Variants in ATCAY observed in about 807,000 individuals in gnomAD.
ATCAY encodes the protein ATCAY kinesin light chain interacting caytaxin.
A neutral mutation model predicts 47.7 loss-of-function variants in ATCAY; 22 were observed. The ratio of observed to expected loss-of-function variants is 0.46; its 90% CI spans 0.33 to 0.66. The LOEUF (loss-of-function observed/expected upper bound fraction) is 0.66. Among genes scored for constraint, ATCAY ranks in the 30% least tolerant of loss-of-function variants. ATCAY has a pLI of 0.02. For missense variants in ATCAY, 452 were observed against 515.0 expected (o/e 0.88, Z 1.18); for synonymous variants, 216 against 207.6 (o/e 1.04, Z -0.35).
intron 11 of ATCAY, among the ~76,000 whole-genome samples, chr19:3,919,592 A>AAAAT (rs968226610): frequency 4.6e-5 from 7 of 152,016 alleles, no homozygotes; most frequent in South Asian, 2.1e-4. Context: ...TTCTGTCTCA[A>AAAAT]AAATAAATAA....
intron 9 of ATCAY, among the ~76,000 whole-genome samples, chr19:3,916,065 A>G (rs1014359465): frequency 2.0e-5 from 3 of 151,594 alleles, no homozygotes; most frequent in Admixed American, 1.3e-4. Context: ...CCACATCCCA[A>G]CCCCTGGCAG....
rs920492859 is a variant in ATCAY, at chr19:3,912,584, T to A, written c.867-1174T>A. On this transcript the variant is annotated intron_variant, in intron 8 of 12. Coordinates refer to ENST00000450849, the MANE Select transcript of ATCAY (RefSeq NM_033064.5). ...CTTGGCCTCCCAAAGTGAAAAAAAT[T>A]TTTTTTTAAATACGGCCAGGTGTGG... 3.2e-4 allele frequency among the ~76,000 whole-genome samples: 48 copies of A among 151,732 alleles called. 1 individual carries two copies. Among genetic ancestry groups the A allele is most frequent in the South Asian group, 4.2e-4 (2 of 4,806 alleles).
Position 3,913,819 on chromosome 19 carries a change from C to T in ATCAY, c.928C>T (p.Pro310Ser). The part of the protein sequence containing the change: ...HSLEDLEQLI[P>S]MEHVQIPDCV... The stretch of plus-strand genomic sequence containing the variant: ...CTTGGAAGACCTGGAGCAACTCATC[C>T]CTATGGAACACGTCCAGATCCCAGA... The change falls in exon 9 of 13, where the codon CCT becomes TCT. Residue 310 changes from proline to serine, a missense_variant. Pro to Ser is a moderately conservative substitution (Grantham distance 74, BLOSUM62 -1). Transcript: ENST00000450849. The T allele has an allele frequency of 1.2e-6, 2 of 1,613,856 alleles. No individual in the cohort carries two copies. The highest frequency in any genetic ancestry group is 8.5e-7 in the Non-Finnish European group (1 of 1,179,846).
intron 9 of ATCAY, among the ~76,000 whole-genome samples, chr19:3,914,724 G>C (rs1279681675): frequency 2.0e-5 from 3 of 152,004 alleles, no homozygotes; most frequent in Non-Finnish European, 4.4e-5. Context: ...AGGAGGCTGA[G>C]GCAGGAGAAT....
At position 3,925,506 on chromosome 19, in the gene ATCAY, C is replaced by A. The variant is rs1456397540; in HGVS notation, c.*914C>A. The A allele has an allele frequency of 6.6e-6, 1 of 152,216 alleles. No homozygotes were observed. Among genetic ancestry groups the A allele is most frequent in the African/African-American group, 2.4e-5 (1 of 41,450 alleles). 9.4% of individuals were successfully genotyped at this position (152,216 alleles called of 1,614,324 possible). On this transcript the variant is annotated 3_prime_UTR_variant, in exon 13 of 13. Coordinates refer to ENST00000450849, the MANE Select transcript of ATCAY (RefSeq NM_033064.5). The surrounding 1 kb of genome is among the most constrained non-coding windows in gnomAD (Gnocchi z 4.4). Reference sequence around the variant, plus strand: ...CAAGAGGAAGATACAGGGTATCGGGCGTTTGAGTGTTTCAGAAGTCATTCG... The same window carrying A: ...CAAGAGGAAGATACAGGGTATCGGGAGTTTGAGTGTTTCAGAAGTCATTCG...
intron 7 of ATCAY, among the ~76,000 whole-genome samples, chr19:3,910,446 C>G (rs1476734669): frequency 2.6e-5 from 4 of 152,154 alleles, no homozygotes; most frequent in African/African-American, 9.7e-5. Context: ...CATCCTTGCA[C>G]CCAGGTTAGT....
rs372306459 is a variant in ATCAY, at chr19:3,910,845, G to A, written c.822G>A (p.Ser274=). 2.0e-5 allele frequency: 33 copies of A among 1,613,868 alleles called. No individual in the cohort carries two copies. Among genetic ancestry groups the A allele is most frequent in the South Asian group, 5.5e-5 (5 of 91,090 alleles). ...AGTCCTTGATCATCGTCCACCCCTCGTGGTTCATTCGGACTGTGCTGGCCA... is the reference window on the plus strand; with the variant it reads ...AGTCCTTGATCATCGTCCACCCCTCATGGTTCATTCGGACTGTGCTGGCCA... ...NLKSLIIVHP[S]WFIRTVLAIS... Residue 274 remains serine, a synonymous_variant, in exon 8 of 13, where the codon TCG becomes TCA. Transcript: ENST00000450849.
intron 2 of ATCAY, among the ~76,000 whole-genome samples, chr19:3,897,645 C>T (rs971250967): frequency 2.0e-5 from 3 of 151,958 alleles, no homozygotes; most frequent in Non-Finnish European, 4.4e-5. Context: ...CAGTGGCTCA[C>T]GCATGTAATC....
chr19:3,909,169 G>A (rs1200376335), intron 6 of ATCAY, among the ~76,000 whole-genome samples: 4 of 137,678 alleles, frequency 2.9e-5, no homozygotes, highest in African/African-American at 8.1e-5. Context: ...CCTGGGAGGC[G>A]GAGCTTGCAG....
rs2039071993 is a variant in ATCAY, at chr19:3,926,930, G to C, written c.*2338G>C. The C allele has an allele frequency of 6.6e-6, 1 of 152,234 alleles. No individual in the cohort carries two copies. The highest frequency in any genetic ancestry group is 2.4e-5 in the African/African-American group (1 of 41,468). 9.4% of individuals were successfully genotyped at this position (152,234 alleles called of 1,614,324 possible). On this transcript the variant is annotated 3_prime_UTR_variant, in exon 13 of 13. Transcript: ENST00000450849. The stretch of plus-strand genomic sequence containing the variant: ...GTCGCTGCCAAAGCCAACACAAGAT[G>C]ACAAAAGTGGCTGGGTACGGTGGCT...
chr19:3,902,671 G>A, intron 3 of ATCAY, 126 bp downstream of exon 3: 1 of 1,081,062 alleles, frequency 9.3e-7, no homozygotes. Flanking sequence ...CTGTCCTGGG[G>A]TCTATGGTGG....
At chr19:3,917,321 G>A (rs533855804) in intron 9 of ATCAY, among the ~76,000 whole-genome samples, 12 of 150,724 alleles carry the variant, frequency 8.0e-5, no homozygotes, top group South Asian at 2.1e-4. Flanking sequence ...GCGGTGGTTC[G>A]CGCCTGTAAT....
Position 3,887,808 on chromosome 19 carries a change from A to AG in ATCAY, c.77+1966dup, listed in dbSNP as rs1010409049. ...ACCACCTGTCTCTATTTAAAAAGAG[A>AG]GGAAAAAAAAAAAAAAGGCCGGTCG... On this transcript the variant is annotated intron_variant, in intron 2 of 12. Transcript: ENST00000450849. 1.3e-4 allele frequency among the ~76,000 whole-genome samples: 19 copies of AG among 145,884 alleles called. 1 individual carries two copies. The highest frequency in any genetic ancestry group is 2.6e-4 in the Non-Finnish European group (17 of 66,502).
rs537410661 is a variant in ATCAY, at chr19:3,907,026, C to G, written c.359-708C>G. Among the ~76,000 whole-genome samples, 2 of 150,578 alleles carry G rather than the reference C, an allele frequency of 1.3e-5. No homozygotes were observed. Among genetic ancestry groups the G allele is most frequent in the African/African-American group, 4.9e-5 (2 of 40,874 alleles). On this transcript the variant is annotated intron_variant, in intron 4 of 12. Transcript: ENST00000450849. This position sits in a 1 kb window ranked among gnomAD's most constrained non-coding sequence, Gnocchi z 5.1. ...GGTGGCGTGCGTAGTCCCAGCTACT[C>G]GGGAGGCTGAGGCAGGAGAATCGCT... is the stretch of plus-strand genomic sequence containing the variant.
intron 5 of ATCAY, 97 bp from the exon 6 acceptor site, chr19:3,908,171 C>T (rs1374864813): frequency 6.9e-6 from 8 of 1,164,220 alleles, no homozygotes; most frequent in East Asian, 2.6e-5. Flanking sequence ...CATGCCCTCC[C>T]GAGCGTGTGG....
chr19:3,897,509 G>C (rs1249135655), intron 2 of ATCAY, among the ~76,000 whole-genome samples: 1 of 151,330 alleles, frequency 6.6e-6, no homozygotes, highest in Non-Finnish European at 1.5e-5. Flanking sequence ...TGCCCAGGCT[G>C]ATCTCAAACT....
chr19:3,897,622 G>A (rs1322499805), intron 2 of ATCAY, among the ~76,000 whole-genome samples: 1 of 151,814 alleles, frequency 6.6e-6, no homozygotes, highest in Non-Finnish European at 1.5e-5. Flanking sequence ...AAAAATTGAG[G>A]TGAGGCCAAG....
At position 3,926,311 on chromosome 19, in the gene ATCAY, T is replaced by G. The variant is rs1226449669; in HGVS notation, c.*1719T>G. 1 of 152,338 alleles carries G rather than the reference T, an allele frequency of 6.6e-6. No individual in the cohort carries two copies. The highest frequency in any genetic ancestry group is 1.5e-5 in the Non-Finnish European group (1 of 68,228). The allele number at this position is 152,338 out of a possible 1,614,324, so 9.4% of individuals were successfully genotyped here. A position where few individuals can be genotyped will look rare whatever the true frequency, so the allele number is the denominator to read the frequency against. On this transcript the variant is annotated 3_prime_UTR_variant, in exon 13 of 13. Coordinates refer to ENST00000450849, the MANE Select transcript of ATCAY (RefSeq NM_033064.5). The stretch of plus-strand genomic sequence containing the variant: ...ACAAGAGCAAAACTCCGTCTCAAAA[T>G]AAAAAGAAAAGAAAAGAATGGACAG...
intron 2 of ATCAY, among the ~76,000 whole-genome samples, chr19:3,899,843 G>T (rs1372583642): frequency 2.6e-5 from 4 of 152,128 alleles, no homozygotes; most frequent in African/African-American, 9.7e-5. Context: ...GTGCTCCTGG[G>T]TCAAACTCGG....
Sources: allele counts gnomAD v4.1 joint callset (sites outside exome capture counted in the v4.1 genomes callset), GRCh38; gene constraint gnomAD v4.1.1; non-coding constraint Gnocchi (gnomAD v3.1); transcripts MANE v1.5; gene names NCBI Gene and HGNC (gene_info 2026-07-23, HGNC 2026-07-21).